Variants in TINAG observed in about 807,000 individuals in gnomAD.
TINAG encodes the protein tubulointerstitial nephritis antigen.
In TINAG, 83 loss-of-function variants were observed where a neutral mutation model predicts 72.7. That is an observed-to-expected ratio of 1.14 (90% confidence interval 0.96 to 1.37). TINAG has a LOEUF of 1.37. Ranked by LOEUF, TINAG falls within the 40% of genes most tolerant of loss-of-function variation. The probability of loss-of-function intolerance (pLI) is 0.00; values close to 1 mark genes in which losing one functional copy is unlikely to be tolerated. For missense variants in TINAG, 685 were observed against 576.6 expected (o/e 1.19, Z -1.93); for synonymous variants, 234 against 189.9 (o/e 1.23, Z -1.91).
At chr6:54,312,722 G>A (rs1371407723) in intron 1 of TINAG, among the ~76,000 whole-genome samples, 1 of 152,008 alleles carries the variant, frequency 6.6e-6, no homozygotes, top group African/African-American at 2.4e-5. Flanking sequence ...TTAAAAACCA[G>A]GATTTTTTAT....
At chr6:54,372,278 C>T (rs1763642347) in intron 9 of TINAG, among the ~76,000 whole-genome samples, 1 of 152,022 alleles carries the variant, frequency 6.6e-6, no homozygotes, top group African/African-American at 2.4e-5. Context: ...AGGTGTGAGC[C>T]ACTGCGCCCA....
chr6:54,321,135 A>C (rs551979288), intron 2 of TINAG, among the ~76,000 whole-genome samples, 162 bp from the exon 3 acceptor site: 1 of 152,336 alleles, frequency 6.6e-6, no homozygotes, highest in Admixed American at 6.5e-5. Context: ...GTGGTAGCTA[A>C]CGTATGTTTT....
chr6:54,331,767 G>T (rs189816158), intron 4 of TINAG, among the ~76,000 whole-genome samples: 1 of 137,020 alleles, frequency 7.3e-6, no homozygotes, highest in African/African-American at 3.2e-5. Context: ...AAAGTCTTAG[G>T]ATGTAAATCA....
At chr6:54,339,751 C>G (rs1487750738) in intron 4 of TINAG, among the ~76,000 whole-genome samples, 1 of 152,076 alleles carries the variant, frequency 6.6e-6, no homozygotes, top group Non-Finnish European at 1.5e-5. Flanking sequence ...CCTTTTCATC[C>G]CCAGTATCAA....
chr6:54,326,728 A>G (rs1784610098), intron 3 of TINAG, 74 bp from the exon 4 acceptor site: 2 of 1,083,728 alleles, frequency 1.8e-6, no homozygotes, highest in Non-Finnish European at 2.6e-6. Flanking sequence ...AATATAAAGG[A>G]AAATGTATTT....
chr6:54,334,071 A>G (rs1004638110), intron 4 of TINAG, among the ~76,000 whole-genome samples: 3 of 152,182 alleles, frequency 2.0e-5, no homozygotes, highest in Non-Finnish European at 4.4e-5. Flanking sequence ...ATCTTGCACA[A>G]AGAAGTTTCT....
chr6:54,310,420 T>G (rs1021059262), intron 1 of TINAG, among the ~76,000 whole-genome samples: 26 of 151,750 alleles, frequency 1.7e-4, no homozygotes, highest in Admixed American at 1.7e-3. Flanking sequence ...GTTTTGTTTT[T>G]CTTTCCTTCC....
chr6:54,361,447 A>C (rs1763234823), intron 9 of TINAG, among the ~76,000 whole-genome samples: 1 of 151,274 alleles, frequency 6.6e-6, no homozygotes, highest in Non-Finnish European at 1.5e-5. Flanking sequence ...TGGCGATAGG[A>C]GAGAGAGAGA....
intron 9 of TINAG, among the ~76,000 whole-genome samples, chr6:54,363,084 G>A (rs901939928): frequency 6.6e-6 from 1 of 151,546 alleles, no homozygotes; most frequent in African/African-American, 2.4e-5. Flanking sequence ...ATAGAAACAT[G>A]CAAAGGGAGC....
chr6:54,379,689 C>T (rs1024448248), intron 9 of TINAG, among the ~76,000 whole-genome samples: 1 of 152,014 alleles, frequency 6.6e-6, no homozygotes, highest in African/African-American at 2.4e-5. Context: ...AGGGGCTAGA[C>T]ATAAAGAGGA....
intron 4 of TINAG, among the ~76,000 whole-genome samples, chr6:54,335,044 G>T (rs1784828094): frequency 6.6e-6 from 1 of 152,092 alleles, no homozygotes; most frequent in Non-Finnish European, 1.5e-5. Context: ...CCTTTATAAG[G>T]TTTGCTCTTT....
chr6:54,330,625 T>G (rs1784715600), intron 4 of TINAG, among the ~76,000 whole-genome samples: 2 of 149,398 alleles, frequency 1.3e-5, no homozygotes, highest in East Asian at 2.0e-4. Context: ...ATGAAGGAGA[T>G]AGAGACATGA....
Position 54,374,216 on chromosome 6 carries a change from G to A in TINAG, c.1251-6310G>A, listed in dbSNP as rs1200199553. On this transcript the variant is annotated intron_variant, in intron 9 of 10. Coordinates refer to ENST00000259782, the MANE Select transcript of TINAG (RefSeq NM_014464.4). ...GTATAAAGCTGTTTAGATAATTAACGTTAGGTACACAGGATCATGTGTGAT... is the reference window on the plus strand; with the variant it reads ...GTATAAAGCTGTTTAGATAATTAACATTAGGTACACAGGATCATGTGTGAT... Among the ~76,000 whole-genome samples the A allele has an allele frequency of 3.3e-5, 5 of 152,124 alleles. No homozygotes were observed. In the Middle Eastern group the frequency reaches 0.01, roughly 310 times the overall value.
chr6:54,308,845 A>G lies in TINAG; in HGVS notation c.295A>G (p.Lys99Glu). The change falls in exon 1 of 11, where the codon AAG becomes GAG. Residue 99 changes from lysine to glutamate, a missense_variant. Coordinates refer to ENST00000259782, the MANE Select transcript of TINAG (RefSeq NM_014464.4). Reference protein sequence around the residue: ...RENSDCCPDYKSFCREEKEWP... With the variant: ...RENSDCCPDYESFCREEKEWP... ...AAATTCTGATTGCTGTCCTGACTACAAGTCCTTTTGCCGTGAAGAGAAAGA... is the reference window on the plus strand; with the variant it reads ...AAATTCTGATTGCTGTCCTGACTACGAGTCCTTTTGCCGTGAAGAGAAAGA... The G allele has an allele frequency of 1.2e-6, 2 of 1,613,750 alleles. No homozygotes were observed. Among genetic ancestry groups the G allele is most frequent in the Non-Finnish European group, 8.5e-7 (1 of 1,179,858 alleles).
intron 4 of TINAG, among the ~76,000 whole-genome samples, chr6:54,337,800 A>G (rs1784902049): frequency 6.6e-6 from 1 of 152,200 alleles, no homozygotes; most frequent in Non-Finnish European, 1.5e-5. Flanking sequence ...AGGCTTCTGG[A>G]ATACAGGAAG....
At chr6:54,362,826 C>T (rs1235853913) in intron 9 of TINAG, among the ~76,000 whole-genome samples, 1 of 151,214 alleles carries the variant, frequency 6.6e-6, no homozygotes, top group Non-Finnish European at 1.5e-5. Context: ...AAGTTGATTC[C>T]AGTCCTCAGG....
chr6:54,356,768 G>T (rs190744797), intron 9 of TINAG, among the ~76,000 whole-genome samples: 7 of 151,762 alleles, frequency 4.6e-5, no homozygotes, highest in Non-Finnish European at 8.8e-5. Context: ...TTCAACAAAG[G>T]ATAAGTTCTT....
In TINAG at chr6:54,389,854, G is replaced by A. The variant is rs371696777; in HGVS notation, c.1360G>A (p.Val454Ile). Residue 454 changes from valine to isoleucine, a missense_variant, in exon 11 of 11, where the codon GTA becomes ATA. Physicochemically the swap from Val to Ile is conservative, Grantham distance 29 (BLOSUM62 3). Coordinates refer to ENST00000259782, the MANE Select transcript of TINAG (RefSeq NM_014464.4). ...TGGCTATTTCAGGATTCTTCGAGGA[G>A]TAAATGAGTCCGACATTGAAAAGTT... ...ENGYFRILRG[V>I]NESDIEKLII... 89 of 1,610,626 alleles carry A rather than the reference G, an allele frequency of 5.5e-5. No homozygotes were observed. The highest frequency in any genetic ancestry group is 6.7e-5 in the Non-Finnish European group (79 of 1,178,556).
At chr6:54,385,648 A>G (rs576296857) in intron 10 of TINAG, among the ~76,000 whole-genome samples, 1 of 152,184 alleles carries the variant, frequency 6.6e-6, no homozygotes, top group African/African-American at 2.4e-5. Context: ...CATTTTATGA[A>G]GCGGTAACAC....
Sources: allele counts gnomAD v4.1 joint callset (sites outside exome capture counted in the v4.1 genomes callset), GRCh38; gene constraint gnomAD v4.1.1; transcripts MANE v1.5; gene names NCBI Gene and HGNC (gene_info 2026-07-23, HGNC 2026-07-21).